The following R3HDM1 variants were observed in gnomAD, a reference collection of about 807,000 sequenced individuals.
R3HDM1 encodes the protein R3H domain containing 1.
R3HDM1 carries 46 observed loss-of-function variants against 141.1 expected under a neutral mutation model. The ratio of observed to expected loss-of-function variants is 0.33; its 90% CI spans 0.26 to 0.42. The LOEUF (loss-of-function observed/expected upper bound fraction) is 0.42, where lower values mean the gene tolerates loss of function less well. Ranked by LOEUF, R3HDM1 falls within the 10% of genes least tolerant of loss-of-function variation. R3HDM1 has a pLI of 1.00. For synonymous variants in R3HDM1, 435 were observed against 472.9 expected (o/e 0.92, Z 1.04); for missense variants, 1,184 against 1,368.3 (o/e 0.87, Z 2.12).
chr2:135,531,803 C>T (rs1312024771), intron 1 of R3HDM1, 170 bp downstream of exon 1: 3 of 985,236 alleles, frequency 3.0e-6, no homozygotes, highest in South Asian at 4.7e-5. Context: ...TCAGCCAGGG[C>T]CTTCTGACGT....
At chr2:135,532,835 T>A (rs1208533178) in intron 1 of R3HDM1, among the ~76,000 whole-genome samples, 1 of 152,252 alleles carries the variant, frequency 6.6e-6, no homozygotes, top group East Asian at 1.9e-4. Context: ...CATCACATTT[T>A]GATGGAGTAC....
chr2:135,693,856 T>G (rs1257846404), intron 21 of R3HDM1, among the ~76,000 whole-genome samples: 1 of 151,896 alleles, frequency 6.6e-6, no homozygotes, highest in Non-Finnish European at 1.5e-5. Context: ...AAATACAGAA[T>G]TAGCCGGGCT....
Position 135,649,909 on chromosome 2 carries a change from ATCCTCTGCAG to A in R3HDM1, c.1638_1647del (p.Gln547HisfsTer30). The A allele has an allele frequency of 7.9e-7, 1 of 1,261,424 alleles. No homozygotes were observed. The highest frequency in any genetic ancestry group is 1.0e-6 in the Non-Finnish European group (1 of 966,432). The allele number at this position is 1,261,424 out of a possible 1,614,324, so 78.1% of individuals were successfully genotyped here. ...CAACCTGTTATTCTTTAGCCTGTTCATCCTCTGCAGTCCTCTTCACAGCCTGTTCAGTACT... is the reference window on the plus strand; with the variant it reads ...CAACCTGTTATTCTTTAGCCTGTTCATCCTCTTCACAGCCTGTTCAGTACT... On this transcript the variant is annotated frameshift_variant, in exon 17 of 27. Transcript: ENST00000683871. LOFTEE classifies it high-confidence loss of function.
intron 3 of R3HDM1, chr2:135,606,048 T>C (rs918382184): frequency 6.6e-6 from 1 of 152,114 alleles, no homozygotes; most frequent in Admixed American, 6.6e-5. Flanking sequence ...TTGGGCTGAG[T>C]GAATTTTCTA....
At chr2:135,537,733 T>A (rs183466582) in intron 1 of R3HDM1, among the ~76,000 whole-genome samples, 341 of 151,768 alleles carry the variant, frequency 2.2e-3, no homozygotes, top group African/African-American at 6.0e-3. Flanking sequence ...CTCGGCTCAC[T>A]GCAACCTCCG....
rs563689396 is a variant in R3HDM1, at chr2:135,693,784, G to T, written c.2459+13460G>T. 4.1e-4 allele frequency among the ~76,000 whole-genome samples: 62 copies of T among 152,264 alleles called. 1 individual carries two copies. Among genetic ancestry groups the T allele is most frequent in the Admixed American group, 9.8e-4 (15 of 15,298 alleles). On this transcript the variant is annotated intron_variant, in intron 21 of 26. Coordinates refer to ENST00000683871, the MANE Select transcript of R3HDM1 (RefSeq NM_001378107.1). Reference sequence around the variant, plus strand: ...GCACTCTGGGAGGCTGAGGCATGTGGATCATCTGAGGTCAGGAGTTCAAGA... The same window carrying T: ...GCACTCTGGGAGGCTGAGGCATGTGTATCATCTGAGGTCAGGAGTTCAAGA...
At chr2:135,537,327 C>A (rs1696401516) in intron 1 of R3HDM1, among the ~76,000 whole-genome samples, 1 of 141,050 alleles carries the variant, frequency 7.1e-6, no homozygotes, top group African/African-American at 2.7e-5. Flanking sequence ...GCTCTGTCAC[C>A]CAGGCTGGAG....
At chr2:135,561,113 A>G (rs1384046337) in intron 1 of R3HDM1, among the ~76,000 whole-genome samples, 1 of 152,190 alleles carries the variant, frequency 6.6e-6, no homozygotes, top group Non-Finnish European at 1.5e-5. Context: ...TACTTGACTT[A>G]CTAGATCACA....
At chr2:135,619,747 T>C (rs2061374688) in intron 5 of R3HDM1, 1 of 966,218 alleles carries the variant, frequency 1.0e-6, no homozygotes, top group African/African-American at 1.8e-5. Context: ...TGATTCAGAA[T>C]GTGATTTTTG....
At chr2:135,591,429 T>C (rs992173297) in intron 1 of R3HDM1, among the ~76,000 whole-genome samples, 3 of 152,184 alleles carry the variant, frequency 2.0e-5, no homozygotes, top group African/African-American at 7.2e-5. Flanking sequence ...ACGATAAGAC[T>C]GAGGGTTTCT....
At chr2:135,703,848 A>C (rs2074543850) in intron 21 of R3HDM1, among the ~76,000 whole-genome samples, 1 of 152,190 alleles carries the variant, frequency 6.6e-6, no homozygotes, top group Admixed American at 6.5e-5. Flanking sequence ...ATATACCCTC[A>C]CCACAAAAAA....
Position 135,645,905 on chromosome 2 carries a change from G to A in R3HDM1, c.1623+378G>A, listed in dbSNP as rs77744918. On this transcript the variant is annotated intron_variant, in intron 16 of 26. Coordinates refer to ENST00000683871, the MANE Select transcript of R3HDM1 (RefSeq NM_001378107.1). ...AGATTAAGCAGTTAGAAGAAACTGA[G>A]ATAGGCTGCTCAGGTTCTGCAAGGT... is the stretch of plus-strand genomic sequence containing the variant. 0.011 allele frequency among the ~76,000 whole-genome samples: 1,615 copies of A among 152,298 alleles called. 99 individuals are homozygous for A. The East Asian group carries it at 0.19, about 18-fold the overall frequency.
In R3HDM1 at chr2:135,701,113, AGT is replaced by A. The variant is rs1226337048; in HGVS notation, c.2460-8318_2460-8317del. Among the ~76,000 whole-genome samples, 5 of 151,648 alleles carry A rather than the reference AGT, an allele frequency of 3.3e-5. No homozygotes were observed. In the East Asian group the frequency reaches 9.7e-4, roughly 30 times the overall value. The stretch of plus-strand genomic sequence containing the variant: ...AAAATATTGTACATTGGCCTGGCAC[AGT>A]GGCTCACGCCTGTGATCCCAACACT... On this transcript the variant is annotated intron_variant, in intron 21 of 26. Transcript: ENST00000683871.
intron 3 of R3HDM1, among the ~76,000 whole-genome samples, chr2:135,613,786 A>G (rs919561132): frequency 1.3e-5 from 2 of 152,330 alleles, no homozygotes. Context: ...ACTGCACTCC[A>G]GCCTGGGCGA....
intron 3 of R3HDM1, among the ~76,000 whole-genome samples, chr2:135,610,804 G>C (rs2060467205): frequency 6.6e-6 from 1 of 152,026 alleles, no homozygotes. Flanking sequence ...TTTCCTGTTT[G>C]TCAAACAAAG....
At chr2:135,574,484 A>T (rs1011084745) in intron 1 of R3HDM1, among the ~76,000 whole-genome samples, 1 of 152,236 alleles carries the variant, frequency 6.6e-6, no homozygotes, top group Non-Finnish European at 1.5e-5. Context: ...AAGCTTCTGA[A>T]TTTCTGTGAA....
chr2:135,673,304 T>C (rs2068677964), intron 19 of R3HDM1, among the ~76,000 whole-genome samples: 2 of 152,150 alleles, frequency 1.3e-5, no homozygotes, highest in Non-Finnish European at 2.9e-5. Flanking sequence ...ATTATTCCAG[T>C]CTATACAGAA....
chr2:135,703,635 A>G lies in R3HDM1; in HGVS notation c.2460-5798A>G, dbSNP rs181541759. On this transcript the variant is annotated intron_variant, in intron 21 of 26. Transcript: ENST00000683871. The stretch of plus-strand genomic sequence containing the variant: ...TTTAGTCAAATTCAGTTTTTTTTTA[A>G]TGGCTCACATTAGGGAATAGATGAG... 1.2e-4 allele frequency among the ~76,000 whole-genome samples: 19 copies of G among 152,134 alleles called. No individual in the cohort carries two copies. In the East Asian group the frequency reaches 3.3e-3, roughly 26 times the overall value.
In R3HDM1 at chr2:135,621,484, C is replaced by T; in HGVS notation, c.304-10C>T. 1 of 1,520,698 alleles carries T rather than the reference C, an allele frequency of 6.6e-7. No homozygotes were observed. The highest frequency in any genetic ancestry group is 8.9e-7 in the Non-Finnish European group (1 of 1,124,400). 94.2% of individuals were successfully genotyped at this position (1,520,698 alleles called of 1,614,324 possible). A position where few individuals can be genotyped will look rare whatever the true frequency, so the allele number is the denominator to read the frequency against. ...ATTTTCATTGAATAATTGACTTTGC[C>T]TTCCAACAGGAGAAAATTCAGATCC... On this transcript the variant is annotated splice_polypyrimidine_tract_variant and intron_variant, in intron 5 of 26. Coordinates refer to ENST00000683871, the MANE Select transcript of R3HDM1 (RefSeq NM_001378107.1).
Sources: allele counts gnomAD v4.1 joint callset (sites outside exome capture counted in the v4.1 genomes callset), GRCh38; gene constraint gnomAD v4.1.1; transcripts MANE v1.5; gene names NCBI Gene and HGNC (gene_info 2026-07-23, HGNC 2026-07-21).